SKIL: variants seen among roughly 807,000 people sequenced by gnomAD.
SKIL encodes ski-like protein.
SKIL carries 20 observed loss-of-function variants against 69.6 expected under a neutral mutation model. The ratio of observed to expected loss-of-function variants is 0.29; its 90% confidence interval spans 0.20 to 0.42. The LOEUF is 0.42. SKIL is among the 10% of genes least tolerant of loss of function. SKIL has a pLI of 1.00. For missense variants in SKIL, 745 were observed against 783.1 expected (o/e 0.95, Z 0.58); for synonymous variants, 310 against 279.9 (o/e 1.11, Z -1.08).
At chr3:170,366,009 G>T (rs1736491070) in intron 2 of SKIL, among the ~76,000 whole-genome samples, 1 of 150,608 alleles carries the variant, frequency 6.6e-6, no homozygotes, top group South Asian at 2.1e-4. Context: ...ACCTGCCTCG[G>T]CCTCCCAAAG....
chr3:170,376,621 G>C (rs1475283097), intron 2 of SKIL, among the ~76,000 whole-genome samples: 1 of 152,040 alleles, frequency 6.6e-6, no homozygotes, highest in Admixed American at 6.6e-5. Flanking sequence ...TGTCACCCAG[G>C]CTGGAGTGCC....
At position 170,396,091 on chromosome 3, in the gene SKIL, G is replaced by A. The variant is rs555883506; in HGVS notation, c.*3674G>A. On this transcript the variant is annotated 3_prime_UTR_variant, in exon 7 of 7. Transcript: ENST00000259119. ...GTAATTTGGAGCCTATTTAGTAATAGAATTAAATGTCCTATGTAGTGCTAC... is the reference window on the plus strand; with the variant it reads ...GTAATTTGGAGCCTATTTAGTAATAAAATTAAATGTCCTATGTAGTGCTAC... The A allele has an allele frequency of 6.7e-6, 1 of 148,806 alleles. No individual in the cohort carries two copies. Among genetic ancestry groups the A allele is most frequent in the African/African-American group, 2.5e-5 (1 of 40,400 alleles). The allele number at this position is 148,806 out of a possible 1,614,324, so 9.2% of individuals were successfully genotyped here. A position where few individuals can be genotyped will look rare whatever the true frequency, so the allele number is the denominator to read the frequency against.
rs755962732 is a variant in SKIL, at chr3:170,361,066, A to G, written c.735A>G (p.Val245=). ...RPRTFPQNGS[V]LPAKSSLAQL... is the part of the protein sequence containing the mutation. ...GAACTTTTCCTCAAAATGGTAGCGT[A>G]CTTCCTGCTAAAAGCTCATTGGCCC... The change falls in exon 2 of 7, where the codon GTA becomes GTG. Residue 245 remains valine (V), a synonymous_variant. Transcript: ENST00000259119. 4 of 1,614,132 alleles carry G rather than the reference A, an allele frequency of 2.5e-6. No homozygotes were observed. The highest frequency in any genetic ancestry group is 3.3e-5 in the Admixed American group (2 of 60,006).
At chr3:170,364,550 G>T (rs1262729389) in intron 2 of SKIL, among the ~76,000 whole-genome samples, 1 of 150,946 alleles carries the variant, frequency 6.6e-6, no homozygotes. Flanking sequence ...CTTAACTCCT[G>T]ACCTGAGGTG....
At chr3:170,371,707 CG>C (rs1736814089) in intron 2 of SKIL, among the ~76,000 whole-genome samples, 2 of 152,236 alleles carry the variant, frequency 1.3e-5, no homozygotes, top group African/African-American at 4.8e-5. Flanking sequence ...TCCCAGTGAT[CG>C]TACTGGTACC....
At chr3:170,363,463 T>C (rs191920728) in intron 2 of SKIL, among the ~76,000 whole-genome samples, 1 of 152,276 alleles carries the variant, frequency 6.6e-6, no homozygotes, top group Admixed American at 6.5e-5. Flanking sequence ...GATAAGTTTA[T>C]ATTCTTCAGG....
Position 170,389,338 on chromosome 3 carries a change from G to GAGTCTCAAAAAAACAT in SKIL, c.1430-880_1430-879insCAAAAAAACATAGTCT, listed in dbSNP as rs534654075. 3.7e-3 allele frequency among the ~76,000 whole-genome samples: 556 copies of GAGTCTCAAAAAAACAT among 149,626 alleles called. 1 individual carries two copies. The highest frequency in any genetic ancestry group is 5.5e-3 in the Non-Finnish European group (372 of 67,470). ...TTCCTTTTTTTTTTTTTTTGAGACG[G>GAGTCTCAAAAAAACAT]AGTCTTGCTCTGTTGCCCAGGCTGG... On this transcript the variant is annotated intron_variant, in intron 4 of 6. Coordinates refer to ENST00000259119, the MANE Select transcript of SKIL (RefSeq NM_005414.5).
rs1397625945 is a variant in SKIL at position 170,360,060 on chromosome 3, G to C, written c.-272G>C. ...TAATATGTATATCTGAAGAATTCAA[G>C]AAAACAAAGGCATCCTCAGAGGTGT... On this transcript the variant is annotated 5_prime_UTR_variant, in exon 2 of 7. Transcript: ENST00000259119. The C allele has an allele frequency of 3.1e-6, 1 of 321,886 alleles. No homozygotes were observed. Among genetic ancestry groups the C allele is most frequent in the African/African-American group, 2.1e-5 (1 of 46,598 alleles). 19.9% of individuals were successfully genotyped at this position (321,886 alleles called of 1,614,324 possible).
At chr3:170,383,023 A>G (rs1359615949) in intron 3 of SKIL, among the ~76,000 whole-genome samples, 1 of 152,142 alleles carries the variant, frequency 6.6e-6, no homozygotes, top group Non-Finnish European at 1.5e-5. Context: ...CCCGGCCTGC[A>G]ACTTTGATAT....
chr3:170,389,191 G>T (rs1737790459), intron 4 of SKIL, among the ~76,000 whole-genome samples: 2 of 151,664 alleles, frequency 1.3e-5, no homozygotes. Context: ...TATGTTTAAG[G>T]GTTGTAGCTC....
chr3:170,366,078 CTG>C (rs1736497681), intron 2 of SKIL, among the ~76,000 whole-genome samples: 1 of 136,828 alleles, frequency 7.3e-6, no homozygotes, highest in South Asian at 2.4e-4. Flanking sequence ...TTTTTTAAGA[CTG>C]TACTAAATAT....
At chr3:170,368,910 A>G (rs906376588) in intron 2 of SKIL, among the ~76,000 whole-genome samples, 23 of 152,154 alleles carry the variant, frequency 1.5e-4, no homozygotes, top group Admixed American at 3.9e-4. Context: ...TTGATACCAC[A>G]TTGGGGTTTT....
intron 2 of SKIL, among the ~76,000 whole-genome samples, chr3:170,363,811 A>T (rs1181235323): frequency 2.0e-5 from 3 of 152,100 alleles, no homozygotes; most frequent in African/African-American, 7.2e-5. Context: ...ATCAGGATTG[A>T]CTTCAAGCCA....
At chr3:170,371,770 G>T (rs1175466777) in intron 2 of SKIL, among the ~76,000 whole-genome samples, 1 of 152,150 alleles carries the variant, frequency 6.6e-6, no homozygotes, top group Non-Finnish European at 1.5e-5. Context: ...TGGATGCCTT[G>T]GGGCATTTTA....
intron 6 of SKIL, 137 bp downstream of exon 6, chr3:170,391,397 A>G: frequency 5.1e-6 from 3 of 587,852 alleles, no homozygotes; most frequent in Non-Finnish European, 9.1e-6. Flanking sequence ...AGCTCCCCAC[A>G]ACCTCTGCCT....
Position 170,360,008 on chromosome 3 carries a change from T to G in SKIL, c.-324T>G, listed in dbSNP as rs1736142475. 1 of 202,750 alleles carries G rather than the reference T, an allele frequency of 4.9e-6. No homozygotes were observed. The highest frequency in any genetic ancestry group is 5.3e-5 in the Admixed American group (1 of 18,700). 12.6% of individuals were successfully genotyped at this position (202,750 alleles called of 1,614,324 possible). ...ACCATTGCATTGACCCTGGACATCTTTAATTGAGAAATTGGTAACTTTATT... is the reference window on the plus strand; with the variant it reads ...ACCATTGCATTGACCCTGGACATCTGTAATTGAGAAATTGGTAACTTTATT... On this transcript the variant is annotated 5_prime_UTR_variant, in exon 2 of 7. Coordinates refer to ENST00000259119, the MANE Select transcript of SKIL (RefSeq NM_005414.5).
At chr3:170,391,329 T>G in intron 6 of SKIL, 69 bp downstream of exon 6, 3 of 904,370 alleles carry the variant, frequency 3.3e-6, no homozygotes, top group Non-Finnish European at 5.1e-6. Flanking sequence ...TCTCTCTTTT[T>G]TTTTTTTGAG....
In SKIL at chr3:170,392,356, A is replaced by G. The variant is rs1737967675; in HGVS notation, c.1994A>G (p.Glu665Gly). The change falls in exon 7 of 7, where the codon GAG becomes GGG. Residue 665 changes from glutamate to glycine, a missense_variant. Glu to Gly is a moderately conservative substitution (Grantham distance 98). Coordinates refer to ENST00000259119, the MANE Select transcript of SKIL (RefSeq NM_005414.5). ...GAACGGGAAGCAAGACAGAAGTTAG[A>G]GATGATGATAAAAGAGCTAAAGCTG... ...RQEREARQKL[E>G]MMIKELKLQI... The G allele has an allele frequency of 2.5e-6, 4 of 1,612,708 alleles. No individual in the cohort carries two copies. Among genetic ancestry groups the G allele is most frequent in the Non-Finnish European group, 3.4e-6 (4 of 1,178,886 alleles).
intron 4 of SKIL, among the ~76,000 whole-genome samples, chr3:170,389,906 A>G (rs1461768144): frequency 6.6e-6 from 1 of 152,198 alleles, no homozygotes; most frequent in African/African-American, 2.4e-5. Flanking sequence ...TTTCTGCAAA[A>G]AATCCAGTGG....
Sources: gnomAD v4.1 joint callset for allele counts (sites outside exome capture counted in the v4.1 genomes callset) on GRCh38, gnomAD v4.1.1 for gene constraint, MANE v1.5 for transcripts, NCBI Gene and HGNC (gene_info 2026-07-23, HGNC 2026-07-21) for gene names.